Variants in NEK10 observed in about 807,000 individuals in gnomAD.
NEK10 encodes NIMA related kinase 10.
Under a neutral mutation model 159.8 loss-of-function variants are expected in NEK10, and 122 were observed. The ratio of observed to expected loss-of-function variants is 0.76; its 90% CI spans 0.66 to 0.89. The LOEUF (loss-of-function observed/expected upper bound fraction) is 0.89, where lower values mean the gene tolerates loss of function less well. Ranked by LOEUF, NEK10 falls within the 40% of genes least tolerant of loss-of-function variation. The probability of loss-of-function intolerance (pLI) is 0.00; values close to 1 mark genes in which losing one functional copy is unlikely to be tolerated. For synonymous variants in NEK10, 466 were observed against 457.1 expected (o/e 1.02, Z -0.25); for missense variants, 1,342 against 1,323.1 (o/e 1.01, Z -0.22).
intron 22 of NEK10, among the ~76,000 whole-genome samples, chr3:27,263,865 T>G (rs890195856): frequency 1.3e-5 from 2 of 152,194 alleles, no homozygotes; most frequent in African/African-American, 2.4e-5. Flanking sequence ...ATGAACCCAG[T>G]ACCTCAGTTG....
chr3:27,321,872 G>A lies in NEK10; in HGVS notation c.447+305C>T, dbSNP rs140755132. On this transcript the variant is annotated intron_variant, in intron 6 of 35. Transcript: ENST00000691995. ...TGAACATGTTTGAAGATGTGGCCAA[G>A]TGTATACCTCCTTGAATGGTAAATG... Among the ~76,000 whole-genome samples the A allele has an allele frequency of 5.9e-5, 9 of 152,334 alleles. No homozygotes were observed. The East Asian group carries it at 1.2e-3, about 20-fold the overall frequency.
intron 25 of NEK10, among the ~76,000 whole-genome samples, chr3:27,196,013 T>C (rs1174453639): frequency 1.3e-5 from 2 of 152,232 alleles, no homozygotes; most frequent in East Asian, 1.9e-4. Flanking sequence ...TATTGTCTTA[T>C]GCCCGATTTC....
intron 23 of NEK10, among the ~76,000 whole-genome samples, chr3:27,244,343 T>C (rs572180592): frequency 5.3e-5 from 8 of 152,226 alleles, no homozygotes; most frequent in Non-Finnish European, 1.2e-4. Context: ...ATTCTACTAG[T>C]TGCCCAGTCC....
In NEK10 at chr3:27,335,884, A is replaced by C. The variant is rs530022196; in HGVS notation, c.362+8388T>G. On this transcript the variant is annotated intron_variant, in intron 5 of 35. Transcript: ENST00000691995. The stretch of plus-strand genomic sequence containing the variant: ...ATGCTGTACTAAGAAGGAAGTTTAT[A>C]GCAATAAAATGCTTACATCAAAAAA... Among the ~76,000 whole-genome samples, 8 of 152,352 alleles carry C rather than the reference A, an allele frequency of 5.3e-5. No individual in the cohort carries two copies. The East Asian group carries it at 1.3e-3, about 26-fold the overall frequency.
At chr3:27,295,560 T>C in intron 15 of NEK10, 53 bp downstream of exon 15, 1 of 1,526,294 alleles carries the variant, frequency 6.6e-7, no homozygotes. Flanking sequence ...TTTACCATAG[T>C]TACCCAAGAT....
chr3:27,269,631 G>A (rs570095308), intron 22 of NEK10, among the ~76,000 whole-genome samples: 37 of 152,268 alleles, frequency 2.4e-4, no homozygotes, highest in Admixed American at 2.1e-3. Context: ...TGAACACAAC[G>A]TGTACAAACT....
At chr3:27,282,910 A>G (rs1298346656) in intron 22 of NEK10, among the ~76,000 whole-genome samples, 1 of 151,940 alleles carries the variant, frequency 6.6e-6, no homozygotes, top group Admixed American at 6.6e-5. Flanking sequence ...TAAGGTAAAC[A>G]AAGTTATAAT....
At chr3:27,284,754 A>G (rs778828068) in intron 21 of NEK10, 50 bp from the exon 22 acceptor site, 1 of 1,526,886 alleles carries the variant, frequency 6.5e-7, no homozygotes, top group East Asian at 2.3e-5. Flanking sequence ...ACATACATAT[A>G]GCCAAAGATG....
At chr3:27,116,217 C>T in intron 33 of NEK10, 90 bp from the exon 34 acceptor site, 1 of 1,092,640 alleles carries the variant, frequency 9.2e-7, no homozygotes, top group Middle Eastern at 2.5e-4. Context: ...AACCACAGGG[C>T]AAACAGGTCA....
chr3:27,140,321 G>C (rs137963067), intron 31 of NEK10, among the ~76,000 whole-genome samples: 28 of 152,204 alleles, frequency 1.8e-4, no homozygotes, highest in African/African-American at 6.5e-4. Flanking sequence ...TGGAAAGCTG[G>C]GACCCCTTGA....
At chr3:27,246,443 G>T (rs975852379) in intron 23 of NEK10, among the ~76,000 whole-genome samples, 1 of 151,782 alleles carries the variant, frequency 6.6e-6, no homozygotes. Flanking sequence ...TATATAGTAG[G>T]TGTATATGTT....
At chr3:27,154,518 C>T (rs887833207) in intron 30 of NEK10, among the ~76,000 whole-genome samples, 4 of 152,106 alleles carry the variant, frequency 2.6e-5, no homozygotes, top group Non-Finnish European at 4.4e-5. Context: ...AGACTGAAAT[C>T]CTTGATGAAT....
chr3:27,308,098 A>G (rs1164185559), intron 10 of NEK10, among the ~76,000 whole-genome samples, 153 bp from the exon 11 acceptor site: 1 of 152,234 alleles, frequency 6.6e-6, no homozygotes, highest in African/African-American at 2.4e-5. Context: ...ATGGCTAGGG[A>G]GGCCTCAGGA....
intron 30 of NEK10, among the ~76,000 whole-genome samples, chr3:27,154,819 T>C (rs530873422): frequency 9.7e-4 from 147 of 152,312 alleles, no homozygotes; most frequent in Non-Finnish European, 1.8e-3. Context: ...AAGCCATCTA[T>C]GATAAACCCA....
intron 23 of NEK10, among the ~76,000 whole-genome samples, chr3:27,229,385 C>T (rs1433637978): frequency 6.6e-6 from 1 of 152,054 alleles, no homozygotes; most frequent in Non-Finnish European, 1.5e-5. Context: ...AAAATAAATT[C>T]AAGAACAATC....
At chr3:27,312,075 CTG>C in intron 8 of NEK10, 22 bp downstream of exon 8, 1 of 1,523,032 alleles carries the variant, frequency 6.6e-7, no homozygotes, top group Non-Finnish European at 9.1e-7. Context: ...ACAAAAATGG[CTG>C]TGTCCCTGCA....
At chr3:27,217,584 C>A (rs1236577895) in intron 23 of NEK10, among the ~76,000 whole-genome samples, 1 of 152,180 alleles carries the variant, frequency 6.6e-6, no homozygotes, top group African/African-American at 2.4e-5. Flanking sequence ...CTGGGAATTA[C>A]AATCCAACAT....
At chr3:27,368,841 T>C (rs2049300078) in intron 1 of NEK10, among the ~76,000 whole-genome samples, 1 of 152,018 alleles carries the variant, frequency 6.6e-6, no homozygotes, top group Non-Finnish European at 1.5e-5. Context: ...CAAAGCAGCA[T>C]CCTGTAAGGA....
At chr3:27,252,926 T>C (rs1276992748) in intron 23 of NEK10, 1 of 510,854 alleles carries the variant, frequency 2.0e-6, no homozygotes, top group Middle Eastern at 3.2e-4. Context: ...GGAAGTCACT[T>C]AAGTGTTTTA....
Sources: allele counts gnomAD v4.1 joint callset (sites outside exome capture counted in the v4.1 genomes callset), GRCh38; gene constraint gnomAD v4.1.1; transcripts MANE v1.5; gene names NCBI Gene and HGNC (gene_info 2026-07-23, HGNC 2026-07-21).